The following ATG5 variants were observed in gnomAD, a reference collection of about 807,000 sequenced individuals.
ATG5 encodes autophagy related 5, also known as autophagy protein 5.
In ATG5, 14 loss-of-function variants were observed where a neutral mutation model predicts 36.5. The ratio of observed to expected loss-of-function variants is 0.38; its 90% CI spans 0.25 to 0.60. ATG5 has a LOEUF of 0.60. Ranked by LOEUF, ATG5 falls within the 20% of genes least tolerant of loss-of-function variation. The pLI is 0.60. For synonymous variants in ATG5, 95 were observed against 101.5 expected (o/e 0.94, Z 0.38); for missense variants, 195 against 326.7 (o/e 0.60, Z 3.11).
At chr6:106,230,015 A>G (rs996511422) in intron 6 of ATG5, among the ~76,000 whole-genome samples, 1 of 152,244 alleles carries the variant, frequency 6.6e-6, no homozygotes, top group Non-Finnish European at 1.5e-5. Context: ...CAGGGGATTT[A>G]AATCTTAATT....
chr6:106,299,696 G>A (rs1180385548), intron 3 of ATG5, among the ~76,000 whole-genome samples: 1 of 152,134 alleles, frequency 6.6e-6, no homozygotes, highest in Non-Finnish European at 1.5e-5. Context: ...GTGCATGTGT[G>A]CACATTGGCA....
chr6:106,307,145 A>T lies in ATG5; in HGVS notation c.236+1219T>A, dbSNP rs540020598. Among the ~76,000 whole-genome samples the T allele has an allele frequency of 3.9e-5, 6 of 152,346 alleles. No individual in the cohort carries two copies. In the South Asian group the frequency reaches 1.2e-3, roughly 32 times the overall value. ...TCCAAAATTTCTCTCCTTGCTAATA[A>T]ATAGTCCTTTGATTCACATCAGCTG... On this transcript the variant is annotated intron_variant, in intron 3 of 7. Transcript: ENST00000369076.
At chr6:106,284,239 T>C (rs1779991708) in intron 4 of ATG5, among the ~76,000 whole-genome samples, 1 of 152,244 alleles carries the variant, frequency 6.6e-6, no homozygotes. Flanking sequence ...AGTATATCAT[T>C]TGATGACATA....
chr6:106,292,471 G>A (rs1483733636), intron 4 of ATG5, among the ~76,000 whole-genome samples: 4 of 152,014 alleles, frequency 2.6e-5, no homozygotes, highest in East Asian at 1.9e-4. Context: ...TCAAAACAGA[G>A]GTAGATCAAA....
chr6:106,192,730 G>A (rs997647129), intron 7 of ATG5, among the ~76,000 whole-genome samples: 2 of 152,162 alleles, frequency 1.3e-5, no homozygotes, highest in African/African-American at 4.8e-5. Context: ...CTTGGAATGT[G>A]TAATACTGAA....
At chr6:106,233,944 C>T (rs1777788283) in intron 6 of ATG5, among the ~76,000 whole-genome samples, 1 of 152,140 alleles carries the variant, frequency 6.6e-6, no homozygotes, top group Admixed American at 6.5e-5. Flanking sequence ...CTAAAGGAAA[C>T]TCCACCTTCA....
At chr6:106,199,300 A>T (rs1467283865) in intron 7 of ATG5, among the ~76,000 whole-genome samples, 1 of 152,258 alleles carries the variant, frequency 6.6e-6, no homozygotes, top group Non-Finnish European at 1.5e-5. Flanking sequence ...TATAAAGGTG[A>T]AAGGCTGGAA....
chr6:106,279,492 A>C (rs1400177223), intron 5 of ATG5, among the ~76,000 whole-genome samples, 169 bp downstream of exon 5: 1 of 152,216 alleles, frequency 6.6e-6, no homozygotes, highest in East Asian at 1.9e-4. Context: ...GGACACCAAA[A>C]GAGCAGAATG....
chr6:106,206,622 C>A (rs1776645233), intron 6 of ATG5, among the ~76,000 whole-genome samples: 2 of 149,528 alleles, frequency 1.3e-5, no homozygotes, highest in Admixed American at 1.3e-4. Flanking sequence ...TGAACTCCAG[C>A]CTGGGCAACA....
chr6:106,269,859 C>T (rs1779384582), intron 5 of ATG5, among the ~76,000 whole-genome samples: 1 of 152,262 alleles, frequency 6.6e-6, no homozygotes, highest in African/African-American at 2.4e-5. Context: ...TCCCACAGTG[C>T]AGCGGTGGGC....
At chr6:106,197,497 T>C (rs1776242294) in intron 7 of ATG5, among the ~76,000 whole-genome samples, 1 of 54,848 alleles carries the variant, frequency 1.8e-5, no homozygotes, top group Non-Finnish European at 3.3e-5. Flanking sequence ...AAGTTGGAAA[T>C]GGGGCCTAAT....
At chr6:106,203,983 A>C (rs1453809799) in intron 6 of ATG5, among the ~76,000 whole-genome samples, 1 of 152,202 alleles carries the variant, frequency 6.6e-6, no homozygotes, top group African/African-American at 2.4e-5. Context: ...AGGAACAGAA[A>C]ACCAAACACC....
At chr6:106,305,458 T>G (rs997975637) in intron 3 of ATG5, among the ~76,000 whole-genome samples, 22 of 152,324 alleles carry the variant, frequency 1.4e-4, no homozygotes, top group Non-Finnish European at 2.9e-4. Context: ...CATTGAGAAC[T>G]GTCACCTTAT....
chr6:106,201,373 GTTCT>G (rs1319228302), intron 7 of ATG5, among the ~76,000 whole-genome samples: 2 of 151,688 alleles, frequency 1.3e-5, no homozygotes, highest in African/African-American at 2.4e-5. Context: ...TTTTCTTGGT[GTTCT>G]TTATGTTGTA....
intron 4 of ATG5, among the ~76,000 whole-genome samples, chr6:106,288,606 G>A (rs1780178265): frequency 6.6e-6 from 1 of 152,018 alleles, no homozygotes; most frequent in African/African-American, 2.4e-5. Flanking sequence ...GATCTTCATT[G>A]TTCTCTAACT....
chr6:106,185,893 T>G lies in ATG5; in HGVS notation c.*647A>C, dbSNP rs1490574648. 1 of 152,756 alleles carries G rather than the reference T, an allele frequency of 6.5e-6. No homozygotes were observed. The highest frequency in any genetic ancestry group is 1.5e-5 in the Non-Finnish European group (1 of 68,064). The allele number at this position is 152,756 out of a possible 1,614,324, so 9.5% of individuals were successfully genotyped here. Reference sequence around the variant, plus strand: ...CTACTGTATGTGAGTCAGAAAGTACTTGAAAAGTGACAAAACTGTATGTTA... The same window carrying G: ...CTACTGTATGTGAGTCAGAAAGTACGTGAAAAGTGACAAAACTGTATGTTA... On this transcript the variant is annotated 3_prime_UTR_variant, in exon 8 of 8. Coordinates refer to ENST00000369076, the MANE Select transcript of ATG5 (RefSeq NM_004849.4).
chr6:106,309,644 CCT>C (rs1214803294), intron 2 of ATG5, among the ~76,000 whole-genome samples: 4 of 152,042 alleles, frequency 2.6e-5, no homozygotes, highest in African/African-American at 4.8e-5. Flanking sequence ...TATTATCGCC[CCT>C]GTTTTAAATA....
In ATG5 at chr6:106,274,102, C is replaced by G. The variant is rs993634672; in HGVS notation, c.478+5559G>C. 3.9e-5 allele frequency among the ~76,000 whole-genome samples: 6 copies of G among 152,120 alleles called. No homozygotes were observed. In the South Asian group the frequency reaches 6.2e-4, roughly 16 times the overall value. ...GAACGTATCTAATGCCAACCCTCCC[C>G]GCCTTTTTGGGATTGTATACTCCGA... On this transcript the variant is annotated intron_variant, in intron 5 of 7. Coordinates refer to ENST00000369076, the MANE Select transcript of ATG5 (RefSeq NM_004849.4).
At chr6:106,319,825 G>A (rs972600664) in intron 1 of ATG5, among the ~76,000 whole-genome samples, 9 of 152,126 alleles carry the variant, frequency 5.9e-5, no homozygotes, top group Non-Finnish European at 2.9e-5. Context: ...AATTCAGTAG[G>A]TGCTCAAAAA....
Sources: allele counts gnomAD v4.1 joint callset (sites outside exome capture counted in the v4.1 genomes callset), GRCh38; gene constraint gnomAD v4.1.1; transcripts MANE v1.5; gene names NCBI Gene and HGNC (gene_info 2026-07-23, HGNC 2026-07-21).